BDKRB2: variants seen among roughly 807,000 people sequenced by gnomAD.
The protein encoded by BDKRB2 is bradykinin receptor B2.
A neutral mutation model predicts 4.0 loss-of-function variants in BDKRB2; 6 were observed. The ratio of observed to expected loss-of-function variants is 1.49; its 90% confidence interval spans 0.81 to 2.93. BDKRB2 has a LOEUF of 2.93. Among genes scored for constraint, BDKRB2 ranks in the 30% most tolerant of loss-of-function variants. BDKRB2 has a pLI of 0.00. For missense variants in BDKRB2, 478 were observed against 520.1 expected (o/e 0.92, Z 0.79); for synonymous variants, 225 against 215.3 (o/e 1.05, Z -0.40).
At chr14:96,237,883 G>T in intron 2 of BDKRB2, 1 of 1,282,104 alleles carries the variant, frequency 7.8e-7, no homozygotes, top group Non-Finnish European at 1.0e-6. Flanking sequence ...GTCTTGCTGA[G>T]AAATTAATAA....
In BDKRB2 at chr14:96,241,370, C is replaced by A. The variant is rs2139801139; in HGVS notation, c.1042C>A (p.Gln348Lys). The A allele has an allele frequency of 6.2e-7, 1 of 1,613,840 alleles. No individual in the cohort carries two copies. The highest frequency in any genetic ancestry group is 8.5e-7 in the Non-Finnish European group (1 of 1,179,988). ...CCGAAAGAAGTCTTGGGAGGTGTAC[C>A]AGGGAGTGTGCCAGAAAGGGGGCTG... ...RFRKKSWEVY[Q>K]GVCQKGGCRS... Residue 348 changes from glutamine to lysine, a missense_variant, in exon 3 of 3, where the codon CAG (glutamine) becomes AAG (lysine). Coordinates refer to ENST00000554311, the MANE Select transcript of BDKRB2 (RefSeq NM_001379692.1).
At chr14:96,212,332 G>A (rs1246916043) in intron 1 of BDKRB2, among the ~76,000 whole-genome samples, 1 of 152,138 alleles carries the variant, frequency 6.6e-6, no homozygotes, top group Non-Finnish European at 1.5e-5. Flanking sequence ...CTTATGGGAT[G>A]CAGCCAAAGC....
rs199686931 is a variant in BDKRB2 at position 96,241,350 on chromosome 14, A to G, written c.1022A>G (p.Lys341Arg). ...GTGATCGTGGGCAAGCGCTTCCGAA[A>G]GAAGTCTTGGGAGGTGTACCAGGGA... ...VYVIVGKRFRKKSWEVYQGVC... is the reference protein window; with the variant it reads ...VYVIVGKRFRRKSWEVYQGVC... Residue 341 changes from lysine to arginine, a missense_variant, in exon 3 of 3, where the codon AAG (lysine) becomes AGG (arginine). By Grantham distance (26) the Lys-to-Arg change is conservative. Transcript: ENST00000554311. The G allele has an allele frequency of 6.2e-7, 1 of 1,614,060 alleles. No homozygotes were observed. The highest frequency in any genetic ancestry group is 1.3e-5 in the African/African-American group (1 of 75,060).
chr14:96,227,589 G>A (rs1000062201), intron 1 of BDKRB2, among the ~76,000 whole-genome samples: 1 of 151,762 alleles, frequency 6.6e-6, no homozygotes, highest in Non-Finnish European at 1.5e-5. Flanking sequence ...ACACATGCAT[G>A]CACACACAAA....
At position 96,212,777 on chromosome 14, in the gene BDKRB2, C is replaced by A. The variant is rs368646070; in HGVS notation, c.-40+7818C>A. Among the ~76,000 whole-genome samples the A allele has an allele frequency of 4.6e-5, 7 of 152,188 alleles. No individual in the cohort carries two copies. The South Asian group carries it at 8.3e-4, about 18-fold the overall frequency. On this transcript the variant is annotated intron_variant, in intron 1 of 2. Transcript: ENST00000554311. The stretch of plus-strand genomic sequence containing the variant: ...AGAAAGGTCTCCTTTCTACCCTGGC[C>A]CCCAGTTCTTTGATGGGTTTTGCTG...
At chr14:96,239,053 C>T in intron 2 of BDKRB2, 3 of 985,466 alleles carry the variant, frequency 3.0e-6, no homozygotes, top group South Asian at 9.4e-5. Flanking sequence ...TGGGAAATCC[C>T]AGAGGTGATG....
intron 1 of BDKRB2, among the ~76,000 whole-genome samples, chr14:96,221,596 G>A (rs543529859): frequency 3.5e-4 from 53 of 152,188 alleles, no homozygotes; most frequent in African/African-American, 1.2e-3. Flanking sequence ...AGGGGTTGCC[G>A]GGGAGAGTCA....
chr14:96,223,716 G>T (rs1216942056), intron 1 of BDKRB2, among the ~76,000 whole-genome samples: 2 of 152,036 alleles, frequency 1.3e-5, no homozygotes, highest in African/African-American at 4.8e-5. Context: ...TGTATGTAAG[G>T]TCACTTGTGG....
In BDKRB2 at chr14:96,242,227, G is replaced by C. The variant is rs200662380; in HGVS notation, c.*723G>C. The C allele has an allele frequency of 1.5e-3, 233 of 152,358 alleles. No homozygotes were observed. The highest frequency in any genetic ancestry group is 5.4e-3 in the African/African-American group (224 of 41,580). 9.4% of individuals were successfully genotyped at this position (152,358 alleles called of 1,614,324 possible). A position where few individuals can be genotyped will look rare whatever the true frequency, so the allele number is the denominator to read the frequency against. ...GAACGACTGGGCACTGCCACCACCAGAAAGCTGTTCGACGAGACGGTCGAG... is the reference window on the plus strand; with the variant it reads ...GAACGACTGGGCACTGCCACCACCACAAAGCTGTTCGACGAGACGGTCGAG... On this transcript the variant is annotated 3_prime_UTR_variant, in exon 3 of 3. Coordinates refer to ENST00000554311, the MANE Select transcript of BDKRB2 (RefSeq NM_001379692.1).
intron 1 of BDKRB2, among the ~76,000 whole-genome samples, chr14:96,230,072 T>C (rs1890783514): frequency 6.6e-6 from 1 of 151,556 alleles, no homozygotes. Flanking sequence ...AGGCAGAGCT[T>C]GCAGTGAGCC....
chr14:96,227,407 G>A (rs1414545225), intron 1 of BDKRB2, among the ~76,000 whole-genome samples: 1 of 152,158 alleles, frequency 6.6e-6, no homozygotes, highest in Non-Finnish European at 1.5e-5. Flanking sequence ...GTAAAGAGTG[G>A]GAGCTGGGCT....
At chr14:96,233,242 C>T (rs1025926623) in intron 1 of BDKRB2, among the ~76,000 whole-genome samples, 14 of 152,166 alleles carry the variant, frequency 9.2e-5, no homozygotes, top group Non-Finnish European at 1.3e-4. Context: ...CTGTGTTGGC[C>T]AGGCTGGTCT....
intron 1 of BDKRB2, among the ~76,000 whole-genome samples, chr14:96,217,751 A>G (rs1448286673): frequency 6.6e-6 from 1 of 152,186 alleles, no homozygotes; most frequent in Admixed American, 6.5e-5. Context: ...AGGCAGGGAC[A>G]GGCTATGCAT....
intron 1 of BDKRB2, among the ~76,000 whole-genome samples, chr14:96,216,805 A>G (rs944220051): frequency 4.8e-5 from 7 of 145,160 alleles, no homozygotes. Context: ...GTAGGAGAAG[A>G]AGAAGGAGGA....
chr14:96,238,377 G>C, intron 2 of BDKRB2: 1 of 834,950 alleles, frequency 1.2e-6, no homozygotes, highest in Non-Finnish European at 1.4e-6. Flanking sequence ...CCATTAGTAA[G>C]AAGTCCAGCC....
At chr14:96,217,222 A>G (rs1246012967) in intron 1 of BDKRB2, among the ~76,000 whole-genome samples, 1 of 152,226 alleles carries the variant, frequency 6.6e-6, no homozygotes, top group African/African-American at 2.4e-5. Flanking sequence ...GTGTGAAGAA[A>G]AAGGACAGCA....
chr14:96,214,900 G>C (rs542520508), intron 1 of BDKRB2: 1 of 152,230 alleles, frequency 6.6e-6, no homozygotes, highest in Non-Finnish European at 1.5e-5. Context: ...GAAAAATCAG[G>C]CTGGGTTCAG....
rs895086082 is a variant in BDKRB2 at position 96,242,609 on chromosome 14, C to T, written c.*1105C>T. ...GGCTCCCTTCCACCTGTCATTCCCA[C>T]CACCCTGAGGCCCCAACCGCCACAC... is the stretch of plus-strand genomic sequence containing the variant. On this transcript the variant is annotated 3_prime_UTR_variant, in exon 3 of 3. Coordinates refer to ENST00000554311, the MANE Select transcript of BDKRB2 (RefSeq NM_001379692.1). 2.0e-5 allele frequency: 3 copies of T among 152,308 alleles called. No homozygotes were observed. The highest frequency in any genetic ancestry group is 4.4e-5 in the Non-Finnish European group (3 of 68,102). 9.4% of individuals were successfully genotyped at this position (152,308 alleles called of 1,614,324 possible). A position where few individuals can be genotyped will look rare whatever the true frequency, so the allele number is the denominator to read the frequency against.
chr14:96,205,343 C>A (rs1890149793), intron 1 of BDKRB2, among the ~76,000 whole-genome samples: 1 of 152,042 alleles, frequency 6.6e-6, no homozygotes, highest in South Asian at 2.1e-4. Flanking sequence ...CAGAACCTGG[C>A]TTTTCACCCA....
Sources: allele counts gnomAD v4.1 joint callset (sites outside exome capture counted in the v4.1 genomes callset), GRCh38; gene constraint gnomAD v4.1.1; transcripts MANE v1.5; gene names NCBI Gene and HGNC (gene_info 2026-07-23, HGNC 2026-07-21).